Variants in ANKRD6 observed in about 807,000 individuals in gnomAD.
The protein encoded by ANKRD6 is ankyrin repeat domain-containing protein 6.
ANKRD6 carries 56 observed loss-of-function variants against 82.3 expected under a neutral mutation model. The observed-to-expected ratio is 0.68, with a 90% CI of 0.55 to 0.85. The LOEUF (loss-of-function observed/expected upper bound fraction) is 0.85. Ranked by LOEUF, ANKRD6 falls within the 40% of genes least tolerant of loss-of-function variation. The probability of loss-of-function intolerance (pLI) is 0.00; values close to 1 mark genes in which losing one functional copy is unlikely to be tolerated. For missense variants in ANKRD6, 852 were observed against 907.6 expected (o/e 0.94, Z 0.79); for synonymous variants, 347 against 352.1 (o/e 0.99, Z 0.16).
intron 1 of ANKRD6, among the ~76,000 whole-genome samples, chr6:89,466,122 C>T (rs991165895): frequency 1.3e-5 from 2 of 151,984 alleles, no homozygotes; most frequent in African/African-American, 4.8e-5. Context: ...AACTTTGTCC[C>T]CTAATAATAT....
At chr6:89,520,756 G>A (rs2018998) in intron 1 of ANKRD6, among the ~76,000 whole-genome samples, 8,827 of 152,310 alleles carry the variant, frequency 0.058, 287 homozygotes, top group South Asian at 0.13. Flanking sequence ...TGTTTGTTTT[G>A]TCCTAGCACA....
intron 2 of ANKRD6, among the ~76,000 whole-genome samples, chr6:89,580,428 C>G (rs1792243077): frequency 6.6e-6 from 1 of 151,936 alleles, no homozygotes; most frequent in Admixed American, 6.6e-5. Flanking sequence ...AGTAACTTTC[C>G]CCAGCATGAG....
intron 1 of ANKRD6, among the ~76,000 whole-genome samples, chr6:89,488,847 T>C (rs1200419881): frequency 6.7e-6 from 1 of 149,976 alleles, no homozygotes; most frequent in African/African-American, 2.5e-5. Flanking sequence ...AACAAATGTT[T>C]CCCACCCAAA....
intron 2 of ANKRD6, among the ~76,000 whole-genome samples, chr6:89,580,904 C>T (rs1190222988): frequency 6.6e-6 from 1 of 152,160 alleles, no homozygotes; most frequent in Admixed American, 6.5e-5. Context: ...AAAGTTTTCA[C>T]TTGGGAGAAT....
chr6:89,611,326 C>T (rs1563059084), intron 5 of ANKRD6, among the ~76,000 whole-genome samples: 2 of 152,170 alleles, frequency 1.3e-5, no homozygotes, highest in Non-Finnish European at 2.9e-5. Flanking sequence ...CACGCACCTG[C>T]AAGCCTGACC....
Position 89,564,719 on chromosome 6 carries a change from T to C in ANKRD6, c.-143-2115T>C, listed in dbSNP as rs1168990257. On this transcript the variant is annotated intron_variant, in intron 1 of 15. Transcript: ENST00000339746. ...TCAGGGGCTAAGCCATGGAGCAGAA[T>C]GAGTAGAATTTTAGCCATGAAAATG... Among the ~76,000 whole-genome samples the C allele has an allele frequency of 2.0e-5, 3 of 152,200 alleles. No homozygotes were observed. In the East Asian group the frequency reaches 5.8e-4, roughly 29 times the overall value.
intron 1 of ANKRD6, among the ~76,000 whole-genome samples, chr6:89,518,209 C>G (rs1418623106): frequency 6.6e-6 from 1 of 151,950 alleles, no homozygotes; most frequent in Non-Finnish European, 1.5e-5. Flanking sequence ...TCGTGACCAG[C>G]CTGACCAACA....
chr6:89,476,897 CT>C (rs1427765912), intron 1 of ANKRD6, among the ~76,000 whole-genome samples: 1 of 152,200 alleles, frequency 6.6e-6, no homozygotes, highest in Non-Finnish European at 1.5e-5. Context: ...ATGTTTTAAA[CT>C]CTTTTCAAAT....
intron 2 of ANKRD6, among the ~76,000 whole-genome samples, chr6:89,588,239 C>A (rs371066543): frequency 2.0e-5 from 3 of 152,232 alleles, no homozygotes; most frequent in African/African-American, 7.2e-5. Flanking sequence ...TTCATTTCAT[C>A]TCTTCAGCCA....
intron 8 of ANKRD6, among the ~76,000 whole-genome samples, chr6:89,617,168 C>T (rs950515388): frequency 6.6e-6 from 1 of 152,210 alleles, no homozygotes; most frequent in African/African-American, 2.4e-5. Context: ...GGCTGTCCTG[C>T]GGTCTCTGCC....
At chr6:89,622,665 T>A (rs1803912333) in intron 10 of ANKRD6, among the ~76,000 whole-genome samples, 1 of 152,204 alleles carries the variant, frequency 6.6e-6, no homozygotes, top group Admixed American at 6.5e-5. Context: ...GAGCCCGAGC[T>A]GATTTCAGCT....
intron 1 of ANKRD6, among the ~76,000 whole-genome samples, chr6:89,438,564 G>A (rs1365804905): frequency 1.3e-5 from 2 of 152,198 alleles, no homozygotes; most frequent in African/African-American, 4.8e-5. Context: ...ACTCTTTGGT[G>A]GATGAGTAGC....
intron 1 of ANKRD6, among the ~76,000 whole-genome samples, chr6:89,525,653 G>A (rs2127979273): frequency 6.6e-6 from 1 of 152,178 alleles, no homozygotes; most frequent in East Asian, 1.9e-4. Flanking sequence ...ATAGAATAGA[G>A]TCATACATAT....
intron 1 of ANKRD6, among the ~76,000 whole-genome samples, chr6:89,489,423 C>T (rs927174233): frequency 1.3e-5 from 2 of 152,166 alleles, no homozygotes; most frequent in Non-Finnish European, 1.5e-5. Flanking sequence ...GGCTGGCTCA[C>T]TCTCAAGTAG....
At position 89,439,939 on chromosome 6, in the gene ANKRD6, T is replaced by G. The variant is rs189906297; in HGVS notation, c.-144+6564T>G. ...CTTGAACTCCTGACCTCAAGTGATC[T>G]GCCCACCTTGGCCTCCCAAAGTGCT... On this transcript the variant is annotated intron_variant, in intron 1 of 15. Transcript: ENST00000339746. Among the ~76,000 whole-genome samples the G allele has an allele frequency of 7.9e-5, 12 of 152,296 alleles. No individual in the cohort carries two copies. In the South Asian group the frequency reaches 2.3e-3, roughly 29 times the overall value.
At chr6:89,619,520 C>T (rs1463286353) in intron 9 of ANKRD6, 1 of 152,140 alleles carries the variant, frequency 6.6e-6, no homozygotes, top group Non-Finnish European at 1.5e-5. Context: ...GGCAAAGAGC[C>T]TTACTGTGGA....
chr6:89,590,384 G>A (rs1045394796), intron 2 of ANKRD6, among the ~76,000 whole-genome samples: 3 of 152,110 alleles, frequency 2.0e-5, no homozygotes, highest in Non-Finnish European at 4.4e-5. Context: ...ACCTGGGGAG[G>A]TTGTATAAAA....
At chr6:89,445,264 C>CTT (rs1227274602) in intron 1 of ANKRD6, among the ~76,000 whole-genome samples, 699 of 64,074 alleles carry the variant, frequency 0.011, 12 homozygotes, top group East Asian at 0.018. Context: ...AGAGATCTTT[C>CTT]TTTTTTTTTT....
At chr6:89,595,098 T>C (rs371319722) in intron 2 of ANKRD6, among the ~76,000 whole-genome samples, 1 of 152,124 alleles carries the variant, frequency 6.6e-6, no homozygotes, top group Non-Finnish European at 1.5e-5. Context: ...TCATGGTGGC[T>C]CATGCCTGTA....
Sources: gnomAD v4.1 joint callset for allele counts (sites outside exome capture counted in the v4.1 genomes callset) on GRCh38, gnomAD v4.1.1 for gene constraint, MANE v1.5 for transcripts, NCBI Gene and HGNC (gene_info 2026-07-23, HGNC 2026-07-21) for gene names.